The following GRIK2 variants were observed in gnomAD, a reference collection of about 807,000 sequenced individuals.
The protein encoded by GRIK2 is glutamate receptor ionotropic, kainate 2.
GRIK2 carries 32 observed loss-of-function variants against 100.3 expected under a neutral mutation model. That is an observed-to-expected ratio of 0.32 (90% CI 0.24 to 0.43). The LOEUF is 0.43. Ranked by LOEUF, GRIK2 falls within the 20% of genes least tolerant of loss-of-function variation. The pLI, the probability that GRIK2 is intolerant of heterozygous loss-of-function variation, is 1.00. For synonymous variants in GRIK2, 417 were observed against 389.4 expected (o/e 1.07, Z -0.83); for missense variants, 843 against 1,114.9 (o/e 0.76, Z 3.47).
chr6:101,464,642 G>A (rs1196889498), intron 2 of GRIK2, among the ~76,000 whole-genome samples: 1 of 148,880 alleles, frequency 6.7e-6, no homozygotes, highest in Non-Finnish European at 1.5e-5. Flanking sequence ...TCAGCCTCCC[G>A]AATAGCTGGG....
At chr6:101,900,308 T>C (rs1230466486) in intron 12 of GRIK2, among the ~76,000 whole-genome samples, 2 of 151,826 alleles carry the variant, frequency 1.3e-5, no homozygotes, top group Admixed American at 6.6e-5. Flanking sequence ...CCACTAAAAA[T>C]ATAAAATTAG....
intron 2 of GRIK2, among the ~76,000 whole-genome samples, chr6:101,602,831 A>G (rs1440324420): frequency 6.6e-6 from 1 of 151,748 alleles, no homozygotes; most frequent in East Asian, 1.9e-4. Flanking sequence ...CTCCCAAAGG[A>G]CAATGTTCAA....
chr6:101,603,776 T>A (rs965736469), intron 2 of GRIK2, among the ~76,000 whole-genome samples: 2 of 151,758 alleles, frequency 1.3e-5, no homozygotes, highest in South Asian at 4.1e-4. Context: ...GAACTATGTA[T>A]TGTGTGACAT....
intron 2 of GRIK2, among the ~76,000 whole-genome samples, chr6:101,495,349 C>T (rs1773382966): frequency 6.6e-6 from 1 of 151,736 alleles, no homozygotes; most frequent in Non-Finnish European, 1.5e-5. Flanking sequence ...ACTAAAAATA[C>T]AAAACAATTA....
chr6:101,490,459 A>G (rs1773047032), intron 2 of GRIK2, among the ~76,000 whole-genome samples: 1 of 146,660 alleles, frequency 6.8e-6, no homozygotes, highest in African/African-American at 2.6e-5. Flanking sequence ...TAGTGCAGGC[A>G]TGAATTGCCA....
chr6:101,546,827 T>TTTC (rs1776260733), intron 2 of GRIK2, among the ~76,000 whole-genome samples: 1 of 86,554 alleles, frequency 1.2e-5, no homozygotes, highest in African/African-American at 5.2e-5. Context: ...TTCTTTTTTT[T>TTTC]TTTTTTTTTT....
intron 4 of GRIK2, among the ~76,000 whole-genome samples, chr6:101,655,988 A>C (rs180810656): frequency 6.6e-6 from 1 of 152,144 alleles, no homozygotes; most frequent in East Asian, 1.9e-4. Context: ...AAAGTGGTAA[A>C]GATTTGAAAA....
intron 2 of GRIK2, among the ~76,000 whole-genome samples, chr6:101,548,134 G>A (rs1776338115): frequency 6.6e-6 from 1 of 152,018 alleles, no homozygotes. Flanking sequence ...AGAAGTGTCT[G>A]TTCATATCCT....
At chr6:102,066,404 T>C (rs1201902842) in intron 16 of GRIK2, among the ~76,000 whole-genome samples, 1 of 151,500 alleles carries the variant, frequency 6.6e-6, no homozygotes, top group Non-Finnish European at 1.5e-5. Flanking sequence ...GAGAGATACA[T>C]AGAGCACTGG....
intron 4 of GRIK2, among the ~76,000 whole-genome samples, chr6:101,640,707 G>A (rs1781241544): frequency 6.6e-6 from 1 of 152,010 alleles, no homozygotes; most frequent in Non-Finnish European, 1.5e-5. Context: ...CTGACTCCCA[G>A]TTTCTGATTT....
intron 2 of GRIK2, among the ~76,000 whole-genome samples, chr6:101,594,306 A>G (rs1562248967): frequency 6.6e-6 from 1 of 151,818 alleles, no homozygotes; most frequent in Non-Finnish European, 1.5e-5. Context: ...GAGTAAATAC[A>G]TCTATTCCGT....
intron 14 of GRIK2, among the ~76,000 whole-genome samples, chr6:101,988,199 ATG>A (rs1462551553): frequency 2.0e-5 from 3 of 149,756 alleles, no homozygotes; most frequent in Non-Finnish European, 4.5e-5. Flanking sequence ...GTGTAGATAT[ATG>A]TGTGTTTATG....
At chr6:101,402,020 T>TC (rs1775336945) in intron 2 of GRIK2, among the ~76,000 whole-genome samples, 1 of 151,998 alleles carries the variant, frequency 6.6e-6, no homozygotes. Context: ...CAGCCCCCCT[T>TC]CCCCGCTAGT....
At chr6:101,526,975 A>G (rs965562689) in intron 2 of GRIK2, among the ~76,000 whole-genome samples, 9 of 152,212 alleles carry the variant, frequency 5.9e-5, no homozygotes, top group Admixed American at 1.3e-4. Context: ...TGTCACAGAC[A>G]TGGCCTGTCT....
At chr6:101,925,818 A>G (rs1208970057) in intron 13 of GRIK2, among the ~76,000 whole-genome samples, 1 of 152,034 alleles carries the variant, frequency 6.6e-6, no homozygotes, top group Non-Finnish European at 1.5e-5. Context: ...TTTCTAAAAA[A>G]GGCATCGTGC....
intron 4 of GRIK2, among the ~76,000 whole-genome samples, chr6:101,637,314 G>T (rs896917616): frequency 6.6e-6 from 1 of 151,984 alleles, no homozygotes; most frequent in Non-Finnish European, 1.5e-5. Flanking sequence ...TTATTTGAAT[G>T]TCTCATAGGT....
At chr6:101,964,771 C>T (rs1792550250) in intron 14 of GRIK2, among the ~76,000 whole-genome samples, 1 of 152,088 alleles carries the variant, frequency 6.6e-6, no homozygotes, top group Non-Finnish European at 1.5e-5. Context: ...CAGTAAGAAA[C>T]AAGCTCAAAG....
intron 2 of GRIK2, among the ~76,000 whole-genome samples, chr6:101,606,860 C>T (rs1779458297): frequency 6.6e-6 from 1 of 151,932 alleles, no homozygotes; most frequent in South Asian, 2.1e-4. Flanking sequence ...ACTGTCTTCT[C>T]AGTATCTTTA....
At chr6:101,791,496 G>T (rs1187714998) in intron 7 of GRIK2, among the ~76,000 whole-genome samples, 3 of 152,166 alleles carry the variant, frequency 2.0e-5, no homozygotes, top group Non-Finnish European at 2.9e-5. Flanking sequence ...AGGTTGTTCA[G>T]TTTCCATGTA....
Sources: allele counts gnomAD v4.1 joint callset (sites outside exome capture counted in the v4.1 genomes callset), GRCh38; gene constraint gnomAD v4.1.1; transcripts MANE v1.5; gene names NCBI Gene and HGNC (gene_info 2026-07-23, HGNC 2026-07-21).